DYRK1A: variants seen among roughly 807,000 people sequenced by gnomAD.
DYRK1A encodes the protein dual specificity tyrosine phosphorylation regulated kinase 1A, also known as dual specificity tyrosine-phosphorylation-regulated kinase 1A.
DYRK1A carries 9 observed loss-of-function variants against 79.7 expected under a neutral mutation model. The ratio of observed to expected loss-of-function variants is 0.11; its 90% CI spans 0.07 to 0.20. The LOEUF (loss-of-function observed/expected upper bound fraction) is 0.20. Among genes scored for constraint, DYRK1A ranks in the 10% least tolerant of loss-of-function variants. The pLI is 1.00. For missense variants in DYRK1A, 622 were observed against 956.0 expected (o/e 0.65, Z 4.61); for synonymous variants, 349 against 329.7 (o/e 1.06, Z -0.63).
At chr21:37,394,225 C>G (rs1453314614) in intron 1 of DYRK1A, among the ~76,000 whole-genome samples, 5 of 124,606 alleles carry the variant, frequency 4.0e-5, no homozygotes, top group African/African-American at 5.7e-5. Flanking sequence ...TTTTTTAAAC[C>G]CTTTTTTTTT....
intron 7 of DYRK1A, among the ~76,000 whole-genome samples, chr21:37,492,663 C>A (rs906639911): frequency 6.6e-6 from 1 of 151,642 alleles, no homozygotes; most frequent in Non-Finnish European, 1.5e-5. Context: ...AAACTAAGTG[C>A]CAGCCATAGT....
chr21:37,423,738 T>A (rs2148435006), intron 2 of DYRK1A, among the ~76,000 whole-genome samples: 1 of 152,286 alleles, frequency 6.6e-6, no homozygotes, highest in Non-Finnish European at 1.5e-5. Flanking sequence ...TACTAGTCAC[T>A]TTTAAATGTG....
chr21:37,492,937 A>G (rs545695853), intron 7 of DYRK1A, 80 bp from the exon 8 acceptor site: 1 of 1,195,964 alleles, frequency 8.4e-7, no homozygotes, highest in African/African-American at 1.5e-5. Context: ...TTTTCTGTTA[A>G]TATCAGATCA....
intron 3 of DYRK1A, among the ~76,000 whole-genome samples, chr21:37,473,237 C>T (rs2052288912): frequency 6.6e-6 from 1 of 152,158 alleles, no homozygotes; most frequent in Non-Finnish European, 1.5e-5. Context: ...AGCAAACTTA[C>T]AGAACCAATT....
At chr21:37,462,293 T>G (rs1470170385) in intron 2 of DYRK1A, among the ~76,000 whole-genome samples, 2 of 151,932 alleles carry the variant, frequency 1.3e-5, no homozygotes, top group African/African-American at 4.8e-5. Flanking sequence ...CTTTAAAGAG[T>G]GTTGAATGTC....
intron 3 of DYRK1A, among the ~76,000 whole-genome samples, 181 bp downstream of exon 3, chr21:37,473,061 T>G (rs774413185): frequency 1.4e-4 from 21 of 152,200 alleles, no homozygotes; most frequent in Non-Finnish European, 2.5e-4. Flanking sequence ...TTTTTACTTG[T>G]ATTTCACTTA....
At chr21:37,406,914 A>C (rs1171985563) in intron 1 of DYRK1A, among the ~76,000 whole-genome samples, 1 of 148,032 alleles carries the variant, frequency 6.8e-6, no homozygotes, top group East Asian at 1.9e-4. Flanking sequence ...ATTCTTTTTG[A>C]GTTGATGTTT....
chr21:37,513,303 AC>A lies in DYRK1A; in HGVS notation c.*773del, dbSNP rs2053814162. 1 of 152,762 alleles carries A rather than the reference AC, an allele frequency of 6.5e-6. No homozygotes were observed. Among genetic ancestry groups the A allele is most frequent in the South Asian group, 2.1e-4 (1 of 4,836 alleles). The allele number at this position is 152,762 out of a possible 1,614,324, so 9.5% of individuals were successfully genotyped here. On this transcript the variant is annotated 3_prime_UTR_variant, in exon 12 of 12. Coordinates refer to ENST00000647188, the MANE Select transcript of DYRK1A (RefSeq NM_001347721.2). ...ACCAAGGTGCACTGAGAAGCAATCA[AC>A]GGGTCGGTCGTGGCCAGTCCTGGGG...
At chr21:37,432,421 T>C (rs1391338688) in intron 2 of DYRK1A, among the ~76,000 whole-genome samples, 1 of 152,212 alleles carries the variant, frequency 6.6e-6, no homozygotes, top group Non-Finnish European at 1.5e-5. Context: ...AAATATCTAC[T>C]TGGCTTAACG....
intron 2 of DYRK1A, among the ~76,000 whole-genome samples, chr21:37,442,659 G>C (rs1426882294): frequency 6.6e-6 from 1 of 151,928 alleles, no homozygotes; most frequent in African/African-American, 2.4e-5. Flanking sequence ...GGCTGGATTT[G>C]AATTCCTGGC....
intron 4 of DYRK1A, among the ~76,000 whole-genome samples, chr21:37,479,026 G>A (rs1005097664): frequency 1.3e-5 from 2 of 152,208 alleles, no homozygotes; most frequent in Non-Finnish European, 2.9e-5. Flanking sequence ...CATTTCTGGA[G>A]AAGAATCCAT....
chr21:37,465,340 A>T (rs2051989850), intron 2 of DYRK1A, among the ~76,000 whole-genome samples: 1 of 152,222 alleles, frequency 6.6e-6, no homozygotes, highest in Non-Finnish European at 1.5e-5. Context: ...AATGTGTATT[A>T]TTCTCCCTAA....
chr21:37,502,775 A>G (rs1601309539), intron 9 of DYRK1A: 1 of 152,010 alleles, frequency 6.6e-6, no homozygotes, highest in Admixed American at 6.6e-5. Flanking sequence ...TTTAACTTTT[A>G]TTTTGTAATG....
intron 2 of DYRK1A, among the ~76,000 whole-genome samples, chr21:37,422,075 G>C (rs2050491401): frequency 6.6e-6 from 1 of 152,062 alleles, no homozygotes; most frequent in Admixed American, 6.6e-5. Context: ...ACAGTTTATA[G>C]TTATCTAGTT....
chr21:37,371,624 C>T (rs1157538627), intron 1 of DYRK1A, among the ~76,000 whole-genome samples: 1 of 152,188 alleles, frequency 6.6e-6, no homozygotes, highest in Non-Finnish European at 1.5e-5. Context: ...GTTTGTATTA[C>T]TGTTAAAACT....
chr21:37,394,199 A>G (rs1047991342), intron 1 of DYRK1A, among the ~76,000 whole-genome samples: 1 of 148,970 alleles, frequency 6.7e-6, no homozygotes, highest in Non-Finnish European at 1.5e-5. Context: ...TTTGTAATGC[A>G]GTGGTGTATT....
Position 37,523,819 on chromosome 21 carries a change from T to G in DYRK1A, c.*11288T>G, listed in dbSNP as rs1303797845. The G allele has an allele frequency of 2.6e-5, 4 of 152,232 alleles. No individual in the cohort carries two copies. Among genetic ancestry groups the G allele is most frequent in the Non-Finnish European group, 5.9e-5 (4 of 68,038 alleles). 9.4% of individuals were successfully genotyped at this position (152,232 alleles called of 1,614,324 possible). On this transcript the variant is annotated 3_prime_UTR_variant, in exon 12 of 12. Coordinates refer to ENST00000647188, the MANE Select transcript of DYRK1A (RefSeq NM_001347721.2). The stretch of plus-strand genomic sequence containing the variant: ...TTATTGGAACATAACCACATTCATT[T>G]GCAAGTTGTCCACGGCCACTTTGGT...
intron 2 of DYRK1A, among the ~76,000 whole-genome samples, chr21:37,439,429 G>GT (rs1408050448): frequency 1.3e-5 from 2 of 152,126 alleles, no homozygotes; most frequent in South Asian, 2.1e-4. Context: ...TAGCTGTAGA[G>GT]TTTTTTTGTC....
chr21:37,369,459 G>GCCTC, intron 1 of DYRK1A, among the ~76,000 whole-genome samples: 1 of 152,342 alleles, frequency 6.6e-6, no homozygotes, highest in East Asian at 1.9e-4. Context: ...TACTTTGGAG[G>GCCTC]ATTTTCCCTG....
Sources: allele counts gnomAD v4.1 joint callset (sites outside exome capture counted in the v4.1 genomes callset), GRCh38; gene constraint gnomAD v4.1.1; transcripts MANE v1.5; gene names NCBI Gene and HGNC (gene_info 2026-07-23, HGNC 2026-07-21).